The following ABR variants were observed in gnomAD, a reference collection of about 807,000 sequenced individuals.
The protein encoded by ABR is ABR activator of RhoGEF and GTPase, also known as active breakpoint cluster region-related protein.
ABR carries 35 observed loss-of-function variants against 107.2 expected under a neutral mutation model. The ratio of observed to expected loss-of-function variants is 0.33; its 90% CI spans 0.25 to 0.43. The LOEUF is 0.43. Among genes scored for constraint, ABR ranks in the 20% least tolerant of loss-of-function variants. ABR has a pLI of 1.00. For missense variants in ABR, 815 were observed against 1,115.2 expected (o/e 0.73, Z 3.83); for synonymous variants, 498 against 462.0 (o/e 1.08, Z -1.00).
intron 6 of ABR, chr17:1,079,019 G>A (rs2035980073): frequency 6.9e-7 from 1 of 1,454,866 alleles, no homozygotes; most frequent in Non-Finnish European, 9.1e-7. Context: ...GGGAGGGGAG[G>A]GAGGCGCGTG....
rs2036434706 is a variant in ABR at position 1,084,025 on chromosome 17, T to C, written c.532-398A>G. On this transcript the variant is annotated intron_variant, in intron 4 of 22. Coordinates refer to ENST00000302538, the MANE Select transcript of ABR (RefSeq NM_021962.5). This position sits in a 1 kb window ranked among gnomAD's most constrained non-coding sequence, Gnocchi z 4.2. ...CGGAGCAGGGAGAGAGGGGGGTGTG[T>C]GTGCTGGGGGGAGCTGGCACGTGTG... 6.6e-6 allele frequency among the ~76,000 whole-genome samples: 1 copy of C among 151,896 alleles called. No homozygotes were observed. Among genetic ancestry groups the C allele is most frequent in the South Asian group, 2.1e-4 (1 of 4,810 alleles).
intron 2 of ABR, among the ~76,000 whole-genome samples, chr17:1,117,903 T>C (rs1204164155): frequency 4.8e-4 from 36 of 74,550 alleles, no homozygotes; most frequent in South Asian, 1.4e-3. Context: ...CCTGAGTTCC[T>C]CCCAGCGTTA....
chr17:1,056,092 G>A lies in ABR; in HGVS notation c.1504C>T (p.Leu502Phe). ...ACGATGACATGAAGGAAGCCATAGA[G>A]TCCTGGAGACTCATCGTCTGCAAGA... is the stretch of plus-strand genomic sequence containing the variant. ...SNKDDDESPG[L>F]YGFLHVIVHS... The change falls in exon 14 of 23, where the codon CTC becomes TTC. Residue 502 changes from leucine to phenylalanine, a missense_variant. Coordinates refer to ENST00000302538, the MANE Select transcript of ABR (RefSeq NM_021962.5). The A allele has an allele frequency of 6.2e-7, 1 of 1,614,190 alleles. No individual in the cohort carries two copies. The highest frequency in any genetic ancestry group is 8.5e-7 in the Non-Finnish European group (1 of 1,180,020).
chr17:1,200,754 C>T lies in ABR; in HGVS notation c.838+28039G>A, dbSNP rs1293656717. 6.6e-6 allele frequency among the ~76,000 whole-genome samples: 1 copy of T among 152,206 alleles called. No individual in the cohort carries two copies. The highest frequency in any genetic ancestry group is 2.4e-5 in the African/African-American group (1 of 41,448). On this transcript the variant is annotated intron_variant, in intron 1 of 22. Coordinates refer to the ABR transcript ENST00000574139. This position sits in a 1 kb window ranked among gnomAD's most constrained non-coding sequence, Gnocchi z 4.1. ...GGTTTGTTCATGGTGCAAGATGTCTCCGGTTACTTCGGGGAGACAGGAACA... is the reference window on the plus strand; with the variant it reads ...GGTTTGTTCATGGTGCAAGATGTCTTCGGTTACTTCGGGGAGACAGGAACA...
At chr17:1,214,230 C>A (rs1244252761) in intron 1 of ABR, among the ~76,000 whole-genome samples, 1 of 151,754 alleles carries the variant, frequency 6.6e-6, no homozygotes, top group Non-Finnish European at 1.5e-5. Flanking sequence ...CCGCCCCCCA[C>A]CACCACCTTA....
At chr17:1,182,515 G>C (rs192166698), upstream of ABR, among the ~76,000 whole-genome samples, 11 of 152,208 alleles carry the variant, frequency 7.2e-5, no homozygotes, top group South Asian at 4.1e-4. Context: ...CTACAGGCAC[G>C]TGCCACCACG....
intron 4 of ABR, among the ~76,000 whole-genome samples, chr17:1,091,447 C>T (rs1024989517): frequency 1.3e-5 from 2 of 152,174 alleles, no homozygotes; most frequent in Non-Finnish European, 2.9e-5. Flanking sequence ...CTCCACCACC[C>T]CAGAAGCTCC....
At chr17:1,137,189 G>A (rs1431747603) in intron 1 of ABR, among the ~76,000 whole-genome samples, 1 of 151,924 alleles carries the variant, frequency 6.6e-6, no homozygotes, top group Non-Finnish European at 1.5e-5. Flanking sequence ...AATTACAGGC[G>A]CCCGCCACCA....
chr17:1,203,618 G>A (rs544908745), intron 1 of ABR, among the ~76,000 whole-genome samples: 8 of 144,462 alleles, frequency 5.5e-5, no homozygotes, highest in African/African-American at 2.3e-4. Context: ...GTCACCGCCC[G>A]CCGCCGCTGC....
intron 2 of ABR, among the ~76,000 whole-genome samples, chr17:1,103,888 C>G (rs181015785): frequency 5.9e-5 from 9 of 152,294 alleles, no homozygotes; most frequent in African/African-American, 1.7e-4. Context: ...TCTTTTCCAG[C>G]TTTCCTCAGA....
At chr17:1,223,869 G>A (rs1021204823) in intron 1 of ABR, among the ~76,000 whole-genome samples, 3 of 152,114 alleles carry the variant, frequency 2.0e-5, no homozygotes, top group East Asian at 1.9e-4. Flanking sequence ...GGGGGAAACC[G>A]CCCCATGATC....
rs1284045695 is a variant in ABR, at chr17:1,092,986, AT to A, written c.346-1137del. On this transcript the variant is annotated intron_variant, in intron 3 of 22. Transcript: ENST00000302538. The surrounding 1 kb of genome is among the most constrained non-coding windows in gnomAD (Gnocchi z 4.6). Reference sequence around the variant, plus strand: ...AGGCGCCCGCCACCACGCCTGGCTAATTTTTTTTGTATTTTTAGTAGAGACG... The same window carrying A: ...AGGCGCCCGCCACCACGCCTGGCTAATTTTTTTGTATTTTTAGTAGAGACG... 1.4e-3 allele frequency among the ~76,000 whole-genome samples: 219 copies of A among 151,070 alleles called. 2 individuals are homozygous for A. The highest frequency in any genetic ancestry group is 5.1e-3 in the African/African-American group (209 of 41,288).
chr17:1,117,813 C>T (rs112247654), intron 2 of ABR, among the ~76,000 whole-genome samples: 2 of 70,336 alleles, frequency 2.8e-5, no homozygotes, highest in African/African-American at 1.4e-4. Flanking sequence ...GAGCCTGAGT[C>T]CTCCCAGCGT....
intron 16 of ABR, among the ~76,000 whole-genome samples, chr17:1,035,584 TC>T (rs1235996763): frequency 1.6e-3 from 1 of 630 alleles, no homozygotes; most frequent in African/African-American, 0.011. Context: ...CCACACCTGC[TC>T]CCCCCACCCC....
intron 10 of ABR, among the ~76,000 whole-genome samples, chr17:1,061,658 T>G (rs1473103062): frequency 6.6e-6 from 1 of 152,228 alleles, no homozygotes; most frequent in Middle Eastern, 3.4e-3. Flanking sequence ...ACAATTCTTT[T>G]GCCTCAGCCT....
chr17:1,031,893 T>G, intron 16 of ABR: 2 of 981,032 alleles, frequency 2.0e-6, no homozygotes, highest in Non-Finnish European at 2.4e-6. Flanking sequence ...CCTCCCTCCC[T>G]CCGTCCGCGT....
chr17:1,052,083 A>AC (rs1306398665), intron 14 of ABR, among the ~76,000 whole-genome samples: 2 of 151,652 alleles, frequency 1.3e-5, no homozygotes, highest in African/African-American at 4.8e-5. Context: ...AAAAAAAAAA[A>AC]ACCAAAAAAA....
At chr17:1,208,816 A>T (rs1452052888) in intron 1 of ABR, among the ~76,000 whole-genome samples, 4 of 145,618 alleles carry the variant, frequency 2.7e-5, no homozygotes, top group South Asian at 4.5e-4. Context: ...TGAACCCGGG[A>T]GGTGGAGCTT....
rs993636267 is a variant in ABR at position 1,148,075 on chromosome 17, G to A, written c.62-22708C>T. Among the ~76,000 whole-genome samples the A allele has an allele frequency of 2.6e-5, 4 of 152,184 alleles. No homozygotes were observed. The highest frequency in any genetic ancestry group is 4.1e-4 in the South Asian group (2 of 4,832). On this transcript the variant is annotated intron_variant, in intron 1 of 22. Transcript: ENST00000302538. This position sits in a 1 kb window ranked among gnomAD's most constrained non-coding sequence, Gnocchi z 4.9. ...AGGCTGGTCAATGGGCCCACCCCAC[G>A]GTAAGCTTCAAGGATGGCCTGCTTG...
Sources: allele counts gnomAD v4.1 joint callset (sites outside exome capture counted in the v4.1 genomes callset), GRCh38; gene constraint gnomAD v4.1.1; non-coding constraint Gnocchi (gnomAD v3.1); transcripts MANE v1.5; gene names NCBI Gene and HGNC (gene_info 2026-07-23, HGNC 2026-07-21).